UGT3A1: variants seen among roughly 807,000 people sequenced by gnomAD.
UGT3A1 encodes the protein UDP glycosyltransferase family 3 member A1, also known as UDP-glycosyltransferase 3A1.
Under a neutral mutation model 37.6 loss-of-function variants are expected in UGT3A1, and 40 were observed. The ratio of observed to expected loss-of-function variants is 1.06; its 90% CI spans 0.83 to 1.38. The LOEUF is 1.38. Ranked by LOEUF, UGT3A1 falls within the 40% of genes most tolerant of loss-of-function variation. UGT3A1 has a pLI of 0.00. For synonymous variants in UGT3A1, 256 were observed against 232.3 expected (o/e 1.10, Z -0.93); for missense variants, 642 against 634.2 (o/e 1.01, Z -0.13).
chr5:35,979,577 A>T (rs1196453965), intron 2 of UGT3A1, among the ~76,000 whole-genome samples: 1 of 151,908 alleles, frequency 6.6e-6, no homozygotes, highest in East Asian at 1.9e-4. Flanking sequence ...GTTAAAAAAA[A>T]TTCAACAAGC....
chr5:35,991,516 T>C (rs1740952673), upstream of UGT3A1: 6 of 1,237,386 alleles, frequency 4.8e-6, no homozygotes, highest in South Asian at 5.1e-5. Flanking sequence ...AACCTTTCTC[T>C]GCCTGCGTAA....
chr5:35,997,637 G>A (rs1464572988), intron 1 of UGT3A1, among the ~76,000 whole-genome samples: 2 of 152,108 alleles, frequency 1.3e-5, no homozygotes, highest in Admixed American at 6.5e-5. Flanking sequence ...ATGTTGGCCA[G>A]GCAGGTCTCA....
intron 2 of UGT3A1, among the ~76,000 whole-genome samples, chr5:35,968,431 T>C (rs1243023108): frequency 6.6e-6 from 1 of 152,202 alleles, no homozygotes; most frequent in Non-Finnish European, 1.5e-5. Flanking sequence ...CAACAGAAAC[T>C]AATGCAGTGT....
chr5:35,955,930 A>G (rs1739339303), intron 5 of UGT3A1, 66 bp from the exon 6 acceptor site: 1 of 1,499,130 alleles, frequency 6.7e-7, no homozygotes, highest in Admixed American at 1.8e-5. Context: ...CAGGTAAAGC[A>G]GAAAAGTCAG....
chr5:35,952,611 T>A lies in UGT3A1; in HGVS notation c.*1591A>T, dbSNP rs1339135177. 6.6e-6 allele frequency: 1 copy of A among 152,218 alleles called. No homozygotes were observed. The highest frequency in any genetic ancestry group is 1.5e-5 in the Non-Finnish European group (1 of 68,054). The allele number at this position is 152,218 out of a possible 1,614,324, so 9.4% of individuals were successfully genotyped here. On this transcript the variant is annotated 3_prime_UTR_variant, in exon 7 of 7. Transcript: ENST00000274278. ...GTTACTGGCCAGGGAGGCTTATCCC[T>A]AAGACCTTATGTTGCTCATGAGGGG...
upstream of UGT3A1, among the ~76,000 whole-genome samples, chr5:35,994,333 T>TTGTGTATGTGTG (rs1554075279): frequency 2.2e-5 from 3 of 138,554 alleles, no homozygotes; most frequent in African/African-American, 8.0e-5. Context: ...TTTGTTTTGT[T>TTGTGTATGTGTG]TGTGTGTGTG....
rs776498050 is a variant in UGT3A1, at chr5:35,988,541, A to C, written c.105T>G (p.His35Gln). 1 of 1,612,398 alleles carries C rather than the reference A, an allele frequency of 6.2e-7. No individual in the cohort carries two copies. Among genetic ancestry groups the C allele is most frequent in the South Asian group, 1.1e-5 (1 of 90,904 alleles). Residue 35 changes from histidine (H) to glutamine (Q), a missense_variant, in exon 2 of 7, where the codon CAT (histidine) becomes CAG (glutamine). Transcript: ENST00000274278. ...GAGACACCCGGTCCAACAGTAGGTA[A>C]TGGCTTCCACCTAGAAACAATGCAC... The part of the protein sequence containing the change: ...ILTISTLGGS[H>Q]YLLLDRVSQI...
chr5:35,974,349 G>C (rs1003233713), intron 2 of UGT3A1, among the ~76,000 whole-genome samples: 9 of 152,212 alleles, frequency 5.9e-5, no homozygotes, highest in African/African-American at 2.2e-4. Flanking sequence ...GGTATTGGCA[G>C]AATAATCATG....
At chr5:35,981,171 A>G (rs1372272163) in intron 2 of UGT3A1, among the ~76,000 whole-genome samples, 2 of 152,222 alleles carry the variant, frequency 1.3e-5, no homozygotes, top group South Asian at 2.1e-4. Context: ...TCTTAAAGAA[A>G]GAAAGAAAGA....
At chr5:35,958,856 G>A (rs976798046) in intron 4 of UGT3A1, among the ~76,000 whole-genome samples, 1 of 152,178 alleles carries the variant, frequency 6.6e-6, no homozygotes, top group Non-Finnish European at 1.5e-5. Context: ...GCTACTTAGT[G>A]ACTGGTTTGT....
At chr5:35,994,746 G>C (rs1048488484), upstream of UGT3A1, among the ~76,000 whole-genome samples, 1 of 152,084 alleles carries the variant, frequency 6.6e-6, no homozygotes, top group Non-Finnish European at 1.5e-5. Flanking sequence ...AGCACATTTG[G>C]GGTCCAACAC....
chr5:35,998,284 T>C (rs1296390407), intron 1 of UGT3A1, among the ~76,000 whole-genome samples: 1 of 152,246 alleles, frequency 6.6e-6, no homozygotes, highest in Non-Finnish European at 1.5e-5. Flanking sequence ...AGAGACCTAT[T>C]GGCAATTGTA....
rs375679556 is a variant in UGT3A1 at position 35,955,801 on chromosome 5, C to T, written c.1139G>A (p.Arg380His). 4.8e-5 allele frequency: 77 copies of T among 1,614,062 alleles called. No individual in the cohort carries two copies. Among genetic ancestry groups the T allele is most frequent in the East Asian group, 2.7e-4 (12 of 44,894 alleles). The part of the protein sequence containing the change: ...GGQNSVMEAI[R>H]HGVPMVGLPV... ...TAATCCCACCATGGGCACACCATGA[C>T]GGATGGCCTCCATTACGCTGTTCTG... is the stretch of plus-strand genomic sequence containing the variant. The change falls in exon 6 of 7, where the codon CGT becomes CAT. Residue 380 changes from arginine to histidine, a missense_variant. Physicochemically the swap from Arg to His is conservative, Grantham distance 29. Transcript: ENST00000274278.
intron 1 of UGT3A1, among the ~76,000 whole-genome samples, chr5:36,000,197 A>G (rs535692369): frequency 1.2e-4 from 18 of 152,330 alleles, no homozygotes; most frequent in African/African-American, 3.8e-4. Flanking sequence ...TTCGGTAAAC[A>G]TTAACTGTCC....
rs376799875 is a variant in UGT3A1, at chr5:35,977,868, GACTA to G, written c.197-9739_197-9736del. ...AACTAACTCATAGTGATATATTAGT[GACTA>G]ACTAGCAATGGGAGCTGGAAGGTGG... is the stretch of plus-strand genomic sequence containing the variant. On this transcript the variant is annotated intron_variant, in intron 2 of 6. Transcript: ENST00000274278. Among the ~76,000 whole-genome samples the G allele has an allele frequency of 1.1e-4, 17 of 152,246 alleles. 1 individual carries two copies. The highest frequency in any genetic ancestry group is 8.3e-4 in the South Asian group (4 of 4,824).
chr5:35,998,293 T>C (rs1047160758), intron 1 of UGT3A1, among the ~76,000 whole-genome samples: 1 of 152,248 alleles, frequency 6.6e-6, no homozygotes, highest in Non-Finnish European at 1.5e-5. Context: ...TTGGCAATTG[T>C]AGCCAACAGC....
chr5:35,995,167 C>T (rs1217071919), upstream of UGT3A1, among the ~76,000 whole-genome samples: 1 of 152,150 alleles, frequency 6.6e-6, no homozygotes, highest in Non-Finnish European at 1.5e-5. Flanking sequence ...CCTACCTCCA[C>T]CTCCACCCTC....
chr5:35,960,475 C>A (rs1739534857), intron 4 of UGT3A1, among the ~76,000 whole-genome samples: 1 of 152,142 alleles, frequency 6.6e-6, no homozygotes, highest in South Asian at 2.1e-4. Context: ...GTCAGTTTGG[C>A]CGCAGCCTCC....
At chr5:35,996,821 G>A (rs1203728484) in intron 2 of UGT3A1, among the ~76,000 whole-genome samples, 1 of 152,190 alleles carries the variant, frequency 6.6e-6, no homozygotes, top group African/African-American at 2.4e-5. Flanking sequence ...TTGGAATAAA[G>A]AGAAGAAAGC....
Sources: allele counts gnomAD v4.1 joint callset (sites outside exome capture counted in the v4.1 genomes callset), GRCh38; gene constraint gnomAD v4.1.1; transcripts MANE v1.5; gene names NCBI Gene and HGNC (gene_info 2026-07-23, HGNC 2026-07-21).